Variants in SKOR2 observed in about 807,000 individuals in gnomAD.
SKOR2 encodes the protein LBX1 corepressor 1-like protein.
A neutral mutation model predicts 69.1 loss-of-function variants in SKOR2; 47 were observed. That is an observed-to-expected ratio of 0.68 (90% CI 0.54 to 0.87). The LOEUF (loss-of-function observed/expected upper bound fraction) is 0.87, where lower values mean the gene tolerates loss of function less well. Among genes scored for constraint, SKOR2 ranks in the 40% least tolerant of loss-of-function variants. The pLI, the probability that SKOR2 is intolerant of heterozygous loss-of-function variation, is 0.00. For missense variants in SKOR2, 1,404 were observed against 1,472.2 expected, an observed-to-expected ratio of 0.95 and a Z score of 0.76; for synonymous variants, 717 against 672.6, an observed-to-expected ratio of 1.07 and a Z score of -1.02.
Position 47,247,038 on chromosome 18 carries a change from G to T in SKOR2, c.2146C>A (p.Leu716Ile). Residue 716 changes from leucine to isoleucine, a missense_variant, in exon 2 of 9, where the codon CTT becomes ATT. Leu to Ile is a conservative substitution (Grantham distance 5). This residue lies in a region of SKOR2 where 1,266 missense variants were observed against 1,309.9 expected (regional missense o/e 0.97). Coordinates refer to ENST00000425639, the MANE Select transcript of SKOR2 (RefSeq NM_001278063.4). The surrounding 1 kb of genome is among the most constrained non-coding windows in gnomAD (Gnocchi z 6.6). ...PLAQHPHHRGLLSPGGTSCCY... is the reference protein window; with the variant it reads ...PLAQHPHHRGILSPGGTSCCY... ...CAGCTGGTTCCCCCGGGAGACAGAA[G>T]GCCTCGGTGGTGCGGGTGCTGGGCC... is the stretch of plus-strand genomic sequence containing the variant. 1 of 1,486,590 alleles carries T rather than the reference G, an allele frequency of 6.7e-7. No homozygotes were observed. The highest frequency in any genetic ancestry group is 2.2e-5 in the Admixed American group (1 of 45,078). The allele number at this position is 1,486,590 out of a possible 1,614,324, so 92.1% of individuals were successfully genotyped here. A position where few individuals can be genotyped will look rare whatever the true frequency, so the allele number is the denominator to read the frequency against.
In SKOR2 at chr18:47,247,683, CGCCTAGCGCGCA is replaced by C. The variant is rs2064287076; in HGVS notation, c.1489_1500del (p.Cys497_Gly500del). 7.3e-6 allele frequency: 10 copies of C among 1,368,878 alleles called. No individual in the cohort carries two copies. The highest frequency in any genetic ancestry group is 3.1e-5 in the East Asian group (1 of 32,106). The allele number at this position is 1,368,878 out of a possible 1,614,324, so 84.8% of individuals were successfully genotyped here. ...GCCTGGCGCAGCAGGGCCGGGCTTTCGCCTAGCGCGCAGCCTAGCGCCGAGGGCGGCTGAGGC... is the reference window on the plus strand; with the variant it reads ...GCCTGGCGCAGCAGGGCCGGGCTTTCGCCTAGCGCCGAGGGCGGCTGAGGC... On this transcript the variant is annotated inframe_deletion, in exon 2 of 9. Coordinates refer to ENST00000425639, the MANE Select transcript of SKOR2 (RefSeq NM_001278063.4). The surrounding 1 kb of genome is among the most constrained non-coding windows in gnomAD (Gnocchi z 6.6).
At chr18:47,223,225 G>A (rs2064167356) in intron 6 of SKOR2, among the ~76,000 whole-genome samples, 1 of 152,088 alleles carries the variant, frequency 6.6e-6, no homozygotes, top group Admixed American at 6.6e-5. Flanking sequence ...ACAGAAATAT[G>A]GGGAGAGAAT....
At chr18:47,240,380 A>G (rs1429162401) in intron 4 of SKOR2, among the ~76,000 whole-genome samples, 2 of 152,328 alleles carry the variant, frequency 1.3e-5, no homozygotes, top group East Asian at 1.9e-4. Context: ...TGGGATTGCA[A>G]TTGGAAATAC....
chr18:47,242,248 T>G (rs1236139235), intron 4 of SKOR2, among the ~76,000 whole-genome samples: 2 of 152,288 alleles, frequency 1.3e-5, no homozygotes, highest in East Asian at 3.9e-4. Flanking sequence ...AGAAATTCAG[T>G]TTTTAACAAA....
At position 47,244,955 on chromosome 18, in the gene SKOR2, A is replaced by T; in HGVS notation, c.2705T>A (p.Ile902Asn). The T allele has an allele frequency of 6.5e-7, 1 of 1,535,900 alleles. No homozygotes were observed. Among genetic ancestry groups the T allele is most frequent in the Non-Finnish European group, 8.7e-7 (1 of 1,146,656 alleles). ...TCCTCCAGAAGCATCAGAGTCTGTG[A>T]TGAAAAAGCTATGCTCCTTGTTCTT... is the stretch of plus-strand genomic sequence containing the variant. ...SDKNKEHSFF[I>N]TDSDASGGDF... is the part of the protein sequence containing the mutation. Residue 902 changes from isoleucine to asparagine, a missense_variant, in exon 4 of 9, where the codon ATC becomes AAC. Coordinates refer to ENST00000425639, the MANE Select transcript of SKOR2 (RefSeq NM_001278063.4).
At position 47,214,253 on chromosome 18, in the gene SKOR2, C is replaced by CT. The variant is rs1223292824; in HGVS notation, c.2986-2103dup. On this transcript the variant is annotated intron_variant, in intron 7 of 8. Coordinates refer to ENST00000425639, the MANE Select transcript of SKOR2 (RefSeq NM_001278063.4). ...GCTAAGTCAAAATGGCTTCCTCTTT[C>CT]TTTTTTTCAGAAGCAATAACACAGC... Among the ~76,000 whole-genome samples, 4 of 152,080 alleles carry CT rather than the reference C, an allele frequency of 2.6e-5. No individual in the cohort carries two copies. The South Asian group carries it at 6.2e-4, about 24-fold the overall frequency.
chr18:47,218,477 C>A (rs2064150947), intron 7 of SKOR2, among the ~76,000 whole-genome samples: 1 of 149,364 alleles, frequency 6.7e-6, no homozygotes, highest in Non-Finnish European at 1.5e-5. Context: ...GCAGTTCCAG[C>A]TATTTGGGAG....
rs1312251169 is a variant in SKOR2, at chr18:47,247,436, G to A, written c.1748C>T (p.Ala583Val). 1.4e-5 allele frequency: 18 copies of A among 1,280,770 alleles called. No homozygotes were observed. Among genetic ancestry groups the A allele is most frequent in the Non-Finnish European group, 1.8e-5 (18 of 1,016,148 alleles). 79.3% of individuals were successfully genotyped at this position (1,280,770 alleles called of 1,614,324 possible). A position where few individuals can be genotyped will look rare whatever the true frequency, so the allele number is the denominator to read the frequency against. The change falls in exon 2 of 9, where the codon GCC becomes GTC. Residue 583 changes from alanine (A) to valine (V), a missense_variant. By Grantham distance (64) the Ala-to-Val change is moderately conservative (BLOSUM62 0). This residue lies in a region of SKOR2 where 1,266 missense variants were observed against 1,309.9 expected (regional missense o/e 0.97). Transcript: ENST00000425639. This position sits in a 1 kb window ranked among gnomAD's most constrained non-coding sequence, Gnocchi z 6.6. Reference protein sequence around the residue: ...STPPADSVAAAGAGAAAAGSG... With the variant: ...STPPADSVAAVGAGAAAAGSG... ...CCCGGCGGCCGCGGCCCCTGCCCCG[G>A]CAGCTGCCACAGAGTCCGCGGGCGG...
chr18:47,250,563 A>G (rs769597528), intron 1 of SKOR2, among the ~76,000 whole-genome samples: 7 of 152,208 alleles, frequency 4.6e-5, no homozygotes, highest in Non-Finnish European at 1.0e-4. Flanking sequence ...CGAGTTCGCT[A>G]TTACAGTGCT....
At chr18:47,216,793 T>C (rs1424942342) in intron 7 of SKOR2, among the ~76,000 whole-genome samples, 2 of 152,146 alleles carry the variant, frequency 1.3e-5, no homozygotes, top group East Asian at 1.9e-4. Flanking sequence ...TGGGCTTTTA[T>C]GTCATCTCAA....
At position 47,220,073 on chromosome 18, in the gene SKOR2, A is replaced by G. The variant is rs2064156600; in HGVS notation, c.2918-63T>C. The G allele has an allele frequency of 4.2e-6, 6 of 1,412,446 alleles. 1 individual carries two copies. In the South Asian group the frequency reaches 6.2e-5, roughly 15 times the overall value. 87.5% of individuals were successfully genotyped at this position (1,412,446 alleles called of 1,614,324 possible). A position where few individuals can be genotyped will look rare whatever the true frequency, so the allele number is the denominator to read the frequency against. ...TGTAAAATCTACTTTTAGTTTAGCT[A>G]GTAAAAACATTATTGACAGTCCCAT... On this transcript the variant is annotated intron_variant, in intron 6 of 8. Transcript: ENST00000425639.
chr18:47,211,012 G>A (rs971074215), intron 8 of SKOR2, among the ~76,000 whole-genome samples: 1 of 151,664 alleles, frequency 6.6e-6, no homozygotes, highest in African/African-American at 2.4e-5. Flanking sequence ...CTGATGAAAT[G>A]TAACATAATT....
intron 2 of SKOR2, 47 bp from the exon 3 acceptor site, chr18:47,245,608 CATATGCTAATGTCAACAGTCAGCA>C: frequency 6.8e-7 from 1 of 1,461,348 alleles, no homozygotes; most frequent in South Asian, 1.3e-5. Flanking sequence ...CGGATCAAAC[CATATGCTAATGTCAACAGTCAGCA>C]GGAAGAAGCA....
In SKOR2 at chr18:47,247,654, G is replaced by A. The variant is rs1415383393; in HGVS notation, c.1530C>T (p.Phe510=). Residue 510 remains phenylalanine (F), a synonymous_variant, in exon 2 of 9, where the codon TTC becomes TTT. Transcript: ENST00000425639. This position sits in a 1 kb window ranked among gnomAD's most constrained non-coding sequence, Gnocchi z 6.6. ...CACCGCCTGGCTCAGCCAGGTCCAG[G>A]AAGGCCTGGCGCAGCAGGGCCGGGC... ...GESPALLRQA[F]LDLAEPGGAA... 1.5e-6 allele frequency: 2 copies of A among 1,364,166 alleles called. No homozygotes were observed. The highest frequency in any genetic ancestry group is 1.5e-5 in the African/African-American group (1 of 65,708). The allele number at this position is 1,364,166 out of a possible 1,614,324, so 84.5% of individuals were successfully genotyped here.
chr18:47,250,627 C>G (rs764079402), intron 1 of SKOR2, among the ~76,000 whole-genome samples: 14 of 152,242 alleles, frequency 9.2e-5, no homozygotes, highest in Non-Finnish European at 1.8e-4. Context: ...CGTGTCCTCT[C>G]TCTGGGCCCC....
rs971999156 is a variant in SKOR2 at position 47,248,302 on chromosome 18, G to A, written c.882C>T (p.Pro294=). The change falls in exon 2 of 9, where the codon CCC becomes CCT. Residue 294 remains proline, a synonymous_variant. Coordinates refer to ENST00000425639, the MANE Select transcript of SKOR2 (RefSeq NM_001278063.4). The surrounding 1 kb of genome is among the most constrained non-coding windows in gnomAD (Gnocchi z 6.4). ...APPPPPPPPP[P]LAELAGAPHA... is the part of the protein sequence containing the mutation. ...GCGGGGCACCAGCCAGCTCTGCCAA[G>A]GGCGGCGGTGGCGGCGGCGGCGGCG... 1.7e-6 allele frequency: 2 copies of A among 1,208,100 alleles called. No homozygotes were observed. The highest frequency in any genetic ancestry group is 2.1e-6 in the Non-Finnish European group (2 of 975,224). The allele number at this position is 1,208,100 out of a possible 1,614,324, so 74.8% of individuals were successfully genotyped here. A position where few individuals can be genotyped will look rare whatever the true frequency, so the allele number is the denominator to read the frequency against.
chr18:47,248,735 T>C lies in SKOR2; in HGVS notation c.449A>G (p.Glu150Gly). The C allele has an allele frequency of 6.4e-7, 1 of 1,553,708 alleles. No individual in the cohort carries two copies. Among genetic ancestry groups the C allele is most frequent in the Non-Finnish European group, 8.7e-7 (1 of 1,156,054 alleles). The change falls in exon 2 of 9, where the codon GAG becomes GGG. Residue 150 changes from glutamate to glycine, a missense_variant. By Grantham distance (98) the Glu-to-Gly change is moderately conservative. Coordinates refer to ENST00000425639, the MANE Select transcript of SKOR2 (RefSeq NM_001278063.4). This position sits in a 1 kb window ranked among gnomAD's most constrained non-coding sequence, Gnocchi z 6.4. ...GCTGCCGCGGCAGCCCCAGGCGCAC[T>C]CGTGTGACACGTCGAAGGCGAAATT... is the stretch of plus-strand genomic sequence containing the variant. ...PDNFAFDVSH[E>G]CAWGCRGSFI...
At chr18:47,211,414 G>A (rs1770563391) in intron 8 of SKOR2, among the ~76,000 whole-genome samples, 1 of 152,144 alleles carries the variant, frequency 6.6e-6, no homozygotes, top group African/African-American at 2.4e-5. Context: ...ATAATTACAT[G>A]TGTCTTCTTC....
chr18:47,211,720 C>T (rs867450007), intron 8 of SKOR2, among the ~76,000 whole-genome samples: 25 of 152,072 alleles, frequency 1.6e-4, no homozygotes, highest in South Asian at 1.2e-3. Flanking sequence ...TTTTTGGAAG[C>T]GAAGGAGAGA....
Sources: allele counts gnomAD v4.1 joint callset (sites outside exome capture counted in the v4.1 genomes callset), GRCh38; gene constraint gnomAD v4.1.1; regional missense constraint gnomAD v4.1.1; non-coding constraint Gnocchi (gnomAD v3.1); transcripts MANE v1.5; gene names NCBI Gene and HGNC (gene_info 2026-07-23, HGNC 2026-07-21).